Variants in FBXL17 observed in about 807,000 individuals in gnomAD.
FBXL17 encodes F-box and leucine rich repeat protein 17.
In FBXL17, 22 loss-of-function variants were observed where a neutral mutation model predicts 66.2. The observed-to-expected ratio is 0.33, with a 90% CI of 0.24 to 0.47. The LOEUF is 0.47. Among genes scored for constraint, FBXL17 ranks in the 20% least tolerant of loss-of-function variants. FBXL17 has a pLI of 1.00. For missense variants in FBXL17, 878 were observed against 948.2 expected (o/e 0.93, Z 0.97); for synonymous variants, 474 against 400.5 (o/e 1.18, Z -2.19).
chr5:107,944,491 T>A (rs1359425767), intron 7 of FBXL17, among the ~76,000 whole-genome samples: 1 of 152,114 alleles, frequency 6.6e-6, no homozygotes, highest in Non-Finnish European at 1.5e-5. Flanking sequence ...GCAAGCATGT[T>A]CTAAAGGAGT....
intron 7 of FBXL17, among the ~76,000 whole-genome samples, chr5:107,979,090 G>A (rs138176317): frequency 1.3e-5 from 2 of 152,228 alleles, no homozygotes; most frequent in African/African-American, 4.8e-5. Context: ...CATGTGAAAC[G>A]GTTACTCCAG....
chr5:108,260,032 A>ACC (rs1554080767), intron 4 of FBXL17, among the ~76,000 whole-genome samples: 1 of 146,980 alleles, frequency 6.8e-6, no homozygotes, highest in South Asian at 2.2e-4. Flanking sequence ...AAAAAAAAAA[A>ACC]ACAAAAAAAA....
rs1396923161 is a variant in FBXL17, at chr5:108,360,070, TTG to T, written c.1374+4666_1374+4667del. Among the ~76,000 whole-genome samples the T allele has an allele frequency of 9.9e-5, 15 of 152,254 alleles. 1 individual carries two copies. Among genetic ancestry groups the T allele is most frequent in the Middle Eastern group, 3.4e-3 (1 of 294 alleles). On this transcript the variant is annotated intron_variant, in intron 3 of 8. Coordinates refer to ENST00000542267, the MANE Select transcript of FBXL17 (RefSeq NM_001163315.3). ...AATAATTCTGTCTCTTGGATCCCTT[TTG>T]GACTTAAAACCTGGTTTTTTTGGAT...
intron 4 of FBXL17, among the ~76,000 whole-genome samples, chr5:108,262,178 G>A (rs547444195): frequency 1.1e-4 from 17 of 150,834 alleles, no homozygotes; most frequent in Non-Finnish European, 2.2e-4. Flanking sequence ...CCGGGTTCAC[G>A]CCATTCTCCT....
chr5:108,364,472 A>C (rs911323037), intron 3 of FBXL17, among the ~76,000 whole-genome samples: 3 of 152,060 alleles, frequency 2.0e-5, no homozygotes, highest in African/African-American at 7.2e-5. Context: ...AAAATGTGGT[A>C]AAAAATTTAA....
At chr5:108,081,706 G>C (rs1748774817) in intron 6 of FBXL17, among the ~76,000 whole-genome samples, 1 of 152,126 alleles carries the variant, frequency 6.6e-6, no homozygotes, top group Admixed American at 6.5e-5. Context: ...CTGGGCGACA[G>C]AGTGAGACTC....
At chr5:108,144,842 G>C (rs1030796081) in intron 6 of FBXL17, among the ~76,000 whole-genome samples, 1 of 151,950 alleles carries the variant, frequency 6.6e-6, no homozygotes, top group Non-Finnish European at 1.5e-5. Flanking sequence ...TAGAGCTCAT[G>C]ACTCTGAATC....
intron 6 of FBXL17, among the ~76,000 whole-genome samples, chr5:108,057,566 C>A (rs886551530): frequency 2.6e-5 from 4 of 152,164 alleles, no homozygotes; most frequent in African/African-American, 9.7e-5. Flanking sequence ...GTACACAATT[C>A]AGCTACAAAT....
chr5:108,283,456 T>C (rs1484188382), intron 4 of FBXL17, among the ~76,000 whole-genome samples: 2 of 151,450 alleles, frequency 1.3e-5, no homozygotes, highest in Non-Finnish European at 3.0e-5. Flanking sequence ...AAAAGACAAA[T>C]AGTGCTGGAA....
intron 6 of FBXL17, among the ~76,000 whole-genome samples, chr5:108,150,622 T>C (rs933629233): frequency 6.6e-6 from 1 of 152,250 alleles, no homozygotes; most frequent in Non-Finnish European, 1.5e-5. Flanking sequence ...ATGACAATTT[T>C]GAAGAATCTG....
At chr5:108,283,980 C>T (rs776187058) in intron 4 of FBXL17, among the ~76,000 whole-genome samples, 4 of 151,746 alleles carry the variant, frequency 2.6e-5, no homozygotes, top group Non-Finnish European at 5.9e-5. Flanking sequence ...AGCAAAACTG[C>T]GATGAGATGT....
chr5:108,088,857 C>T (rs371136318), intron 6 of FBXL17, among the ~76,000 whole-genome samples: 1 of 151,640 alleles, frequency 6.6e-6, no homozygotes, highest in African/African-American at 2.4e-5. Flanking sequence ...TACTAATACA[C>T]AGATAAGCAT....
intron 6 of FBXL17, among the ~76,000 whole-genome samples, chr5:108,178,316 G>A (rs1752874926): frequency 6.6e-6 from 1 of 152,096 alleles, no homozygotes. Flanking sequence ...CCAAAGTGCT[G>A]AGATAAGAGG....
chr5:108,215,566 C>T lies in FBXL17; in HGVS notation c.1614+8555G>A, dbSNP rs1754563294. ...CTTTTGCACATTTAAAAAAATTAGGCTGTCTTTTTGTTGCTAAGATATGAG... is the reference window on the plus strand; with the variant it reads ...CTTTTGCACATTTAAAAAAATTAGGTTGTCTTTTTGTTGCTAAGATATGAG... On this transcript the variant is annotated intron_variant, in intron 5 of 8. Transcript: ENST00000542267. Among the ~76,000 whole-genome samples the T allele has an allele frequency of 2.6e-5, 4 of 152,272 alleles. No individual in the cohort carries two copies. In the South Asian group the frequency reaches 8.3e-4, roughly 32 times the overall value.
At chr5:108,208,583 C>T (rs1437444771) in intron 5 of FBXL17, among the ~76,000 whole-genome samples, 1 of 152,124 alleles carries the variant, frequency 6.6e-6, no homozygotes, top group Non-Finnish European at 1.5e-5. Context: ...TTCCTCATTG[C>T]TTGTTTCTGT....
At chr5:108,167,272 G>C (rs1162523954) in intron 6 of FBXL17, among the ~76,000 whole-genome samples, 2 of 152,108 alleles carry the variant, frequency 1.3e-5, no homozygotes, top group Admixed American at 6.5e-5. Context: ...CTGTCAATTT[G>C]CAGAAAACCA....
intron 6 of FBXL17, among the ~76,000 whole-genome samples, chr5:108,182,923 G>A (rs971818347): frequency 5.9e-5 from 9 of 151,486 alleles, no homozygotes; most frequent in South Asian, 2.1e-4. Flanking sequence ...AGTATAGACC[G>A]TATCTTATTT....
At chr5:108,271,770 A>G (rs1757277801) in intron 4 of FBXL17, among the ~76,000 whole-genome samples, 1 of 152,232 alleles carries the variant, frequency 6.6e-6, no homozygotes, top group African/African-American at 2.4e-5. Flanking sequence ...CCTTCCAAGT[A>G]TTTAGTGATA....
Position 108,258,892 on chromosome 5 carries a change from T to G in FBXL17, c.1507-34664A>C, listed in dbSNP as rs374848686. Among the ~76,000 whole-genome samples, 4 of 151,914 alleles carry G rather than the reference T, an allele frequency of 2.6e-5. No individual in the cohort carries two copies. In the East Asian group the frequency reaches 5.8e-4, roughly 22 times the overall value. ...TTCCAAATTAGATCTGAGAAACCAA[T>G]AGAAAAACTAAACATAATAAACATA... On this transcript the variant is annotated intron_variant, in intron 4 of 8. Transcript: ENST00000542267.
Sources: allele counts gnomAD v4.1 joint callset (sites outside exome capture counted in the v4.1 genomes callset), GRCh38; gene constraint gnomAD v4.1.1; transcripts MANE v1.5; gene names NCBI Gene and HGNC (gene_info 2026-07-23, HGNC 2026-07-21).